NUP98: variants seen among roughly 807,000 people sequenced by gnomAD.
The protein encoded by NUP98 is nuclear pore complex protein Nup98-Nup96.
NUP98 carries 26 observed loss-of-function variants against 191.9 expected under a neutral mutation model. The observed-to-expected ratio is 0.14, with a 90% CI of 0.10 to 0.19. The LOEUF (loss-of-function observed/expected upper bound fraction) is 0.19, where lower values mean the gene tolerates loss of function less well. Among genes scored for constraint, NUP98 ranks in the 10% least tolerant of loss-of-function variants. The pLI is 1.00. For synonymous variants in NUP98, 808 were observed against 778.4 expected (o/e 1.04, Z -0.63); for missense variants, 1,941 against 2,178.8 (o/e 0.89, Z 2.17).
At chr11:3,742,575 T>G (rs1461493959) in intron 12 of NUP98, among the ~76,000 whole-genome samples, 1 of 151,764 alleles carries the variant, frequency 6.6e-6, no homozygotes, top group Non-Finnish European at 1.5e-5. Flanking sequence ...GGCAGGCACC[T>G]GTAATCCCAG....
chr11:3,733,512 A>G (rs1400060633), intron 13 of NUP98, among the ~76,000 whole-genome samples: 2 of 151,952 alleles, frequency 1.3e-5, no homozygotes, highest in Non-Finnish European at 1.5e-5. Flanking sequence ...GGGTTTCACC[A>G]TGTTGGTCAG....
chr11:3,752,045 G>A (rs376700539), intron 11 of NUP98, among the ~76,000 whole-genome samples: 29 of 150,730 alleles, frequency 1.9e-4, no homozygotes, highest in Non-Finnish European at 1.9e-4. Flanking sequence ...GTACGGTGGC[G>A]TGCGACTGTA....
In NUP98 at chr11:3,692,956, G is replaced by A. The variant is rs375462643; in HGVS notation, c.4311+276C>T. 2.3e-5 allele frequency: 7 copies of A among 308,250 alleles called. No homozygotes were observed. In the South Asian group the frequency reaches 7.4e-4, roughly 33 times the overall value. The allele number at this position is 308,250 out of a possible 1,614,324, so 19.1% of individuals were successfully genotyped here. A position where few individuals can be genotyped will look rare whatever the true frequency, so the allele number is the denominator to read the frequency against. On this transcript the variant is annotated intron_variant, in intron 27 of 32. Transcript: ENST00000324932. ...CTAAGTTTGAAGATAAACCAAATCTGAGGTCAGGCTGTATAACAGGGAATT... is the reference window on the plus strand; with the variant it reads ...CTAAGTTTGAAGATAAACCAAATCTAAGGTCAGGCTGTATAACAGGGAATT...
intron 1 of NUP98, among the ~76,000 whole-genome samples, chr11:3,796,212 C>T (rs4910814): frequency 0.073 from 11,076 of 152,216 alleles, 557 homozygotes; most frequent in Middle Eastern, 0.16. Context: ...CCTTATTCTA[C>T]TATAATACTT....
chr11:3,726,590 T>C (rs1202320064), intron 14 of NUP98, among the ~76,000 whole-genome samples: 1 of 150,194 alleles, frequency 6.7e-6, no homozygotes, highest in Non-Finnish European at 1.5e-5. Context: ...GAAATTTTAG[T>C]TATTGAAATG....
chr11:3,790,161 G>A (rs948555651), intron 1 of NUP98, among the ~76,000 whole-genome samples: 7 of 152,302 alleles, frequency 4.6e-5, no homozygotes, highest in African/African-American at 1.7e-4. Flanking sequence ...AAGATGTGAA[G>A]TGATGAGTGA....
At chr11:3,768,270 A>G (rs1033670469) in intron 8 of NUP98, among the ~76,000 whole-genome samples, 1 of 151,888 alleles carries the variant, frequency 6.6e-6, no homozygotes, top group African/African-American at 2.4e-5. Context: ...AAACACAAAA[A>G]ATTAGCTGGA....
intron 20 of NUP98, among the ~76,000 whole-genome samples, chr11:3,709,646 C>T (rs2078972131): frequency 6.6e-6 from 1 of 150,598 alleles, no homozygotes; most frequent in Admixed American, 6.6e-5. Context: ...TTCAACCAGC[C>T]TGAGGAACAT....
In NUP98 at chr11:3,686,148, C is replaced by G. The variant is rs749427224; in HGVS notation, c.4501G>C (p.Asp1501His). ...CAGCTTAGGCGGTAGTCCAAAGGAT[C>G]TGCTGTTATGCTTCGAGGCTCCAGC... Reference protein sequence around the residue: ...QLLEPRSITADPLDYRLSWHL... With the variant: ...QLLEPRSITAHPLDYRLSWHL... The change falls in exon 29 of 33, where the codon GAT becomes CAT. Residue 1501 changes from aspartate (D) to histidine (H), a missense_variant. Around this residue, in one of 6 missense-constraint regions of NUP98, gnomAD observed 1,030 missense variants for 1,115.8 expected, o/e 0.92. Transcript: ENST00000324932. The G allele has an allele frequency of 6.8e-6, 11 of 1,614,130 alleles. No individual in the cohort carries two copies. The South Asian group carries it at 8.8e-5, about 13-fold the overall frequency.
chr11:3,712,619 C>T lies in NUP98; in HGVS notation c.2687G>A (p.Ser896Asn). ...KLKTAPLPPA[S>N]QTTPLQMALN... Reference sequence around the variant, plus strand: ...AGCCATCTGCAAGGGCGTAGTCTGGCTTGCAGGAGGCAAAGGAGCAGTCTT... The same window carrying T: ...AGCCATCTGCAAGGGCGTAGTCTGGTTTGCAGGAGGCAAAGGAGCAGTCTT... The change falls in exon 20 of 33, where the codon AGC becomes AAC. Residue 896 changes from serine to asparagine, a missense_variant. Ser to Asn is a conservative substitution (Grantham distance 46). Coordinates refer to ENST00000324932, the MANE Select transcript of NUP98 (RefSeq NM_016320.5). 2 of 1,614,028 alleles carry T rather than the reference C, an allele frequency of 1.2e-6. No individual in the cohort carries two copies. Among genetic ancestry groups the T allele is most frequent in the South Asian group, 1.1e-5 (1 of 91,076 alleles).
intron 5 of NUP98, among the ~76,000 whole-genome samples, chr11:3,774,819 C>T (rs2081655976): frequency 6.6e-6 from 1 of 152,194 alleles, no homozygotes; most frequent in Non-Finnish European, 1.5e-5. Context: ...TTCTCAACTA[C>T]TGCACTTTCC....
At chr11:3,795,523 C>T (rs1045474972) in intron 1 of NUP98, among the ~76,000 whole-genome samples, 4 of 152,020 alleles carry the variant, frequency 2.6e-5, no homozygotes, top group Non-Finnish European at 4.4e-5. Flanking sequence ...CTTATCTGGG[C>T]CCCATATTTC....
At chr11:3,784,500 A>T (rs1564928420) in intron 1 of NUP98, among the ~76,000 whole-genome samples, 1 of 151,968 alleles carries the variant, frequency 6.6e-6, no homozygotes, top group Non-Finnish European at 1.5e-5. Context: ...TGTAGATCCC[A>T]ATGCTTTGGG....
At chr11:3,764,740 G>A (rs777743975) in intron 8 of NUP98, among the ~76,000 whole-genome samples, 1 of 152,134 alleles carries the variant, frequency 6.6e-6, no homozygotes, top group African/African-American at 2.4e-5. Context: ...CACCATGCCC[G>A]GCTAATTTTT....
chr11:3,747,764 C>G (rs61877596), intron 11 of NUP98, among the ~76,000 whole-genome samples: 7,670 of 152,288 alleles, frequency 0.05, 254 homozygotes, highest in Middle Eastern at 0.099. Context: ...ACCCACTTAG[C>G]TATTGCCTCC....
intron 25 of NUP98, among the ~76,000 whole-genome samples, chr11:3,698,854 A>T (rs1255773180): frequency 6.6e-6 from 1 of 151,444 alleles, no homozygotes; most frequent in African/African-American, 2.4e-5. Context: ...CAGCCGCACT[A>T]TGTCTTCTAA....
chr11:3,764,956 A>T (rs1326332125), intron 8 of NUP98, among the ~76,000 whole-genome samples: 1 of 152,168 alleles, frequency 6.6e-6, no homozygotes, highest in Non-Finnish European at 1.5e-5. Context: ...CCTTTCCCTG[A>T]TGACTTATGA....
At chr11:3,780,418 T>C (rs570425120) in intron 2 of NUP98, among the ~76,000 whole-genome samples, 80 of 149,224 alleles carry the variant, frequency 5.4e-4, no homozygotes, top group Non-Finnish European at 9.5e-4. Flanking sequence ...GGAGGGTGCC[T>C]GTAGTCCCAG....
intron 13 of NUP98, among the ~76,000 whole-genome samples, chr11:3,734,762 G>A (rs1370957635): frequency 6.6e-6 from 1 of 152,134 alleles, no homozygotes; most frequent in Admixed American, 6.5e-5. Context: ...GCCTTAGTTT[G>A]CTTAATTATA....
Sources: allele counts gnomAD v4.1 joint callset (sites outside exome capture counted in the v4.1 genomes callset), GRCh38; gene constraint gnomAD v4.1.1; regional missense constraint gnomAD v4.1.1; transcripts MANE v1.5; gene names NCBI Gene and HGNC (gene_info 2026-07-23, HGNC 2026-07-21).